Variants in ADAM18 observed in about 807,000 individuals in gnomAD.
ADAM18 encodes disintegrin and metalloproteinase domain-containing protein 18.
A neutral mutation model predicts 94.4 loss-of-function variants in ADAM18; 117 were observed. The ratio of observed to expected loss-of-function variants is 1.24; its 90% confidence interval spans 1.07 to 1.45. ADAM18 has a LOEUF of 1.45. ADAM18 is among the 40% of genes most tolerant of loss of function. The pLI is 0.00. For missense variants in ADAM18, 936 were observed against 880.0 expected, an observed-to-expected ratio of 1.06 and a Z score of -0.81; for synonymous variants, 327 against 291.6, an observed-to-expected ratio of 1.12 and a Z score of -1.24.
At chr8:39,621,355 A>G (rs1819608675) in intron 6 of ADAM18, among the ~76,000 whole-genome samples, 1 of 140,738 alleles carries the variant, frequency 7.1e-6, no homozygotes, top group African/African-American at 2.7e-5. Flanking sequence ...ACACACACAC[A>G]CACTGTACCC....
intron 14 of ADAM18, among the ~76,000 whole-genome samples, chr8:39,669,458 TC>T (rs1363921060): frequency 3.6e-5 from 3 of 84,272 alleles, no homozygotes; most frequent in Non-Finnish European, 6.8e-5. Flanking sequence ...ATGCTATCCC[TC>T]CCCCCTCCCC....
At chr8:39,612,575 G>A (rs1000836088) in intron 6 of ADAM18, among the ~76,000 whole-genome samples, 2 of 152,178 alleles carry the variant, frequency 1.3e-5, no homozygotes, top group Non-Finnish European at 2.9e-5. Flanking sequence ...GTAAAGCCAG[G>A]AGCGCTCATA....
intron 13 of ADAM18, among the ~76,000 whole-genome samples, chr8:39,664,479 A>T (rs987863693): frequency 5.3e-5 from 8 of 152,168 alleles, no homozygotes; most frequent in African/African-American, 1.9e-4. Context: ...CTGAGTGATG[A>T]TTCTATTCTT....
chr8:39,635,976 T>C (rs1820063590), intron 7 of ADAM18, among the ~76,000 whole-genome samples: 1 of 151,932 alleles, frequency 6.6e-6, no homozygotes, highest in Admixed American at 6.6e-5. Context: ...TCTTTACTTA[T>C]TATTTAAATA....
chr8:39,729,166 G>C (rs573599701), intron 19 of ADAM18, among the ~76,000 whole-genome samples: 35 of 152,116 alleles, frequency 2.3e-4, no homozygotes, highest in Non-Finnish European at 4.7e-4. Context: ...CAGAGGATGG[G>C]AAGTTTTTGT....
chr8:39,693,280 T>A (rs1307115419), intron 17 of ADAM18, among the ~76,000 whole-genome samples: 2 of 151,608 alleles, frequency 1.3e-5, no homozygotes, highest in Non-Finnish European at 3.0e-5. Context: ...TTCACCAGAA[T>A]GCATTAATAT....
intron 3 of ADAM18, among the ~76,000 whole-genome samples, chr8:39,608,820 G>A (rs990633831): frequency 1.3e-5 from 2 of 152,060 alleles, no homozygotes; most frequent in African/African-American, 4.8e-5. Context: ...ACATATGTCT[G>A]ATGCAGAGGA....
chr8:39,618,163 C>T (rs542219676), intron 6 of ADAM18, among the ~76,000 whole-genome samples: 10 of 152,182 alleles, frequency 6.6e-5, no homozygotes, highest in South Asian at 4.2e-4. Flanking sequence ...GCCAGCAGCC[C>T]GCAATGCAAC....
chr8:39,689,453 C>G (rs903173662), intron 16 of ADAM18, among the ~76,000 whole-genome samples: 1 of 152,120 alleles, frequency 6.6e-6, no homozygotes, highest in Non-Finnish European at 1.5e-5. Context: ...AATAGAATAT[C>G]CTTTGCCCAT....
chr8:39,605,550 G>A (rs564112467), intron 2 of ADAM18, among the ~76,000 whole-genome samples: 33 of 151,944 alleles, frequency 2.2e-4, no homozygotes, highest in Non-Finnish European at 2.6e-4. Flanking sequence ...TTACTGGTTC[G>A]TTATATTTTG....
intron 17 of ADAM18, among the ~76,000 whole-genome samples, chr8:39,694,088 T>TA (rs1821855735): frequency 6.6e-6 from 1 of 151,338 alleles, no homozygotes; most frequent in Admixed American, 6.6e-5. Context: ...AGCATCAGTA[T>TA]AAAGAAGTTA....
intron 17 of ADAM18, 24 bp from the exon 18 acceptor site, chr8:39,706,766 T>A (rs748021699): frequency 7.3e-7 from 1 of 1,362,952 alleles, no homozygotes; most frequent in Non-Finnish European, 1.0e-6. Context: ...CGACTCAAAC[T>A]GTTTCTGTAT....
At chr8:39,713,536 A>C (rs1450323680) in intron 18 of ADAM18, among the ~76,000 whole-genome samples, 1 of 152,198 alleles carries the variant, frequency 6.6e-6, no homozygotes, top group Non-Finnish European at 1.5e-5. Context: ...TTTGCAGTCT[A>C]CCCTTCTGAC....
chr8:39,592,872 A>G (rs1386461917), intron 2 of ADAM18, among the ~76,000 whole-genome samples: 3 of 152,184 alleles, frequency 2.0e-5, no homozygotes, highest in Non-Finnish European at 1.5e-5. Context: ...CTCTCTAGCT[A>G]TGAAAGTCTC....
At chr8:39,658,086 T>G (rs1388106419) in intron 12 of ADAM18, among the ~76,000 whole-genome samples, 3 of 152,210 alleles carry the variant, frequency 2.0e-5, no homozygotes, top group African/African-American at 7.2e-5. Context: ...CCAATGGCAC[T>G]CCTGCTGATG....
intron 17 of ADAM18, among the ~76,000 whole-genome samples, chr8:39,698,489 G>T (rs940682137): frequency 6.6e-6 from 1 of 151,894 alleles, no homozygotes; most frequent in Non-Finnish European, 1.5e-5. Context: ...GTCCACTGGA[G>T]ACCCTTTTGG....
chr8:39,707,157 T>G (rs926501049), intron 18 of ADAM18, among the ~76,000 whole-genome samples: 1 of 152,220 alleles, frequency 6.6e-6, no homozygotes, highest in African/African-American at 2.4e-5. Flanking sequence ...GTAACAGCAA[T>G]GATTAACTGT....
At chr8:39,643,295 A>G (rs890527597) in intron 10 of ADAM18, among the ~76,000 whole-genome samples, 1 of 151,994 alleles carries the variant, frequency 6.6e-6, no homozygotes, top group African/African-American at 2.4e-5. Flanking sequence ...TAGAACTTTT[A>G]ATAGTATGTT....
chr8:39,666,179 A>G (rs1820989445), intron 13 of ADAM18, among the ~76,000 whole-genome samples: 1 of 152,168 alleles, frequency 6.6e-6, no homozygotes, highest in Non-Finnish European at 1.5e-5. Flanking sequence ...CTAGGACTAC[A>G]GGCACACACC....
Sources: allele counts gnomAD v4.1 joint callset (sites outside exome capture counted in the v4.1 genomes callset), GRCh38; gene constraint gnomAD v4.1.1; transcripts MANE v1.5; gene names NCBI Gene and HGNC (gene_info 2026-07-23, HGNC 2026-07-21).